PDHA1: variants seen among roughly 807,000 people sequenced by gnomAD.
The protein encoded by PDHA1 is pyruvate dehydrogenase E1 component subunit alpha, somatic form, mitochondrial.
PDHA1 carries 1 observed loss-of-function variant against 33.0 expected under a neutral mutation model. The ratio of observed to expected loss-of-function variants is 0.03; its 90% confidence interval spans 0.01 to 0.14. The LOEUF (loss-of-function observed/expected upper bound fraction) is 0.14. Ranked by LOEUF, PDHA1 falls within the 10% of genes least tolerant of loss-of-function variation. The pLI is 1.00. For missense variants in PDHA1, 168 were observed against 325.1 expected, an observed-to-expected ratio of 0.52 and a Z score of 3.72; for synonymous variants, 123 against 119.2, an observed-to-expected ratio of 1.03 and a Z score of -0.21.
Position 19,357,733 on chromosome X carries a change from C to T in PDHA1, c.899+14C>T, listed in dbSNP as rs768634139. On this transcript the variant is annotated intron_variant, in intron 9 of 10. Transcript: ENST00000422285. ...CCCTGGAGTCAGGTACGCTCATGGG[C>T]AGTGTGGTTTCCATAGGGGTGGGCT... is the stretch of plus-strand genomic sequence containing the variant. 5 of 1,177,433 alleles carry T rather than the reference C, an allele frequency of 4.2e-6. No homozygotes were observed. Among genetic ancestry groups the T allele is most frequent in the African/African-American group, 1.8e-5 (1 of 56,651 alleles).
At chrX:19,346,504 T>C in intron 1 of PDHA1, 1 of 471,407 alleles carries the variant, frequency 2.1e-6, no homozygotes, top group South Asian at 3.6e-5. Flanking sequence ...ATTTTTTTTT[T>C]ACTAGAGACA....
In PDHA1 at chrX:19,359,687, G is replaced by C. The variant is rs776552491; in HGVS notation, c.*34G>C. On this transcript the variant is annotated 3_prime_UTR_variant, in exon 11 of 11. Coordinates refer to ENST00000422285, the MANE Select transcript of PDHA1 (RefSeq NM_000284.4). Reference sequence around the variant, plus strand: ...GAAGGAGAGGTTATACCTTCAGGGGGCTACCAGACAGTGTTCTCAACTTGG... The same window carrying C: ...GAAGGAGAGGTTATACCTTCAGGGGCCTACCAGACAGTGTTCTCAACTTGG... 8.7e-7 allele frequency: 1 copy of C among 1,143,794 alleles called. No individual in the cohort carries two copies. The highest frequency in any genetic ancestry group is 2.2e-5 in the Admixed American group (1 of 45,864). 94.3% of individuals were successfully genotyped at this position (1,143,794 alleles called of 1,213,427 possible).
intron 8 of PDHA1, among the ~76,000 whole-genome samples, 188 bp downstream of exon 8, chrX:19,355,945 G>A (rs141926035): frequency 8.0e-5 from 9 of 112,027 alleles, no homozygotes; most frequent in East Asian, 2.8e-4. Context: ...GGAAGCCTAC[G>A]TTTCTCTCAT....
At chrX:19,345,568 A>AT (rs373287835) in intron 1 of PDHA1, among the ~76,000 whole-genome samples, 14 of 38,152 alleles carry the variant, frequency 3.7e-4, no homozygotes, top group African/African-American at 1.4e-3. Context: ...AAGACTCCGT[A>AT]TTTTAAAAAA....
Position 19,359,668 on chromosome X carries a change from G to C in PDHA1, c.*15G>C, listed in dbSNP as rs200547574. 47 of 1,191,668 alleles carry C rather than the reference G, an allele frequency of 3.9e-5. No homozygotes were observed. In the Middle Eastern group the frequency reaches 1.6e-3, roughly 41 times the overall value. On this transcript the variant is annotated 3_prime_UTR_variant, in exon 11 of 11. Transcript: ENST00000422285. ...CAGTCAGTTAAGGGGAGGAGAAGGA[G>C]AGGTTATACCTTCAGGGGGCTACCA... is the stretch of plus-strand genomic sequence containing the variant.
At chrX:19,344,224 C>T (rs2063115712) in intron 1 of PDHA1, 130 bp downstream of exon 1, 3 of 526,088 alleles carry the variant, frequency 5.7e-6, no homozygotes, top group African/African-American at 4.7e-5. Context: ...GCCTTTACTT[C>T]GCCTCCGCGC....
chrX:19,353,932 G>GT (rs904387817), intron 5 of PDHA1, among the ~76,000 whole-genome samples: 11 of 109,346 alleles, frequency 1.0e-4, no homozygotes, highest in East Asian at 8.5e-4. Flanking sequence ...ATTATGTGTT[G>GT]TTTTTTTTTA....
In PDHA1 at chrX:19,360,684, T is replaced by G; in HGVS notation, c.*1031T>G. ...AACACAGCGGAATTCGTGTATACAC[T>G]AACAGAAGCTTTAACAAAACATGTA... On this transcript the variant is annotated 3_prime_UTR_variant, in exon 11 of 11. Coordinates refer to ENST00000422285, the MANE Select transcript of PDHA1 (RefSeq NM_000284.4). The G allele has an allele frequency of 2.3e-6, 2 of 873,532 alleles. No homozygotes were observed. Among genetic ancestry groups the G allele is most frequent in the Non-Finnish European group, 3.4e-6 (2 of 595,972 alleles). 72.0% of individuals were successfully genotyped at this position (873,532 alleles called of 1,213,427 possible).
rs781550393 is a variant in PDHA1 at position 19,361,445 on chromosome X, G to C, written c.*1792G>C. The C allele has an allele frequency of 1.4e-5, 17 of 1,187,425 alleles. No homozygotes were observed. Among genetic ancestry groups the C allele is most frequent in the Non-Finnish European group, 1.9e-5 (17 of 874,131 alleles). On this transcript the variant is annotated 3_prime_UTR_variant, in exon 11 of 11. Coordinates refer to ENST00000422285, the MANE Select transcript of PDHA1 (RefSeq NM_000284.4). The stretch of plus-strand genomic sequence containing the variant: ...AACAAAGATCAGATCCTTAAGAGCT[G>C]AGCAGCTGTGTAACAACAGCATAAG...
At chrX:19,357,983 G>A (rs1371035552) in intron 9 of PDHA1, among the ~76,000 whole-genome samples, 3 of 111,864 alleles carry the variant, frequency 2.7e-5, no homozygotes, top group Non-Finnish European at 5.6e-5. Flanking sequence ...GAGGGAAATT[G>A]TTACATAAAA....
At chrX:19,345,755 C>A (rs755870048) in intron 1 of PDHA1, 9 of 275,514 alleles carry the variant, frequency 3.3e-5, no homozygotes, top group Middle Eastern at 5.0e-4. Context: ...TCCCCCCCCC[C>A]CCGCCACCTT....
chrX:19,358,894 T>TACTACTTTTCCCTCCCCATA (rs757656240), intron 9 of PDHA1, 22 bp from the exon 10 acceptor site: 4 of 928,124 alleles, frequency 4.3e-6, no homozygotes, highest in East Asian at 3.1e-5. Flanking sequence ...ACTGATCGAT[T>TACTACTTTTCCCTCCCCATA]ACTACTTTTC....
At chrX:19,345,484 A>G (rs1471580542) in intron 1 of PDHA1, among the ~76,000 whole-genome samples, 1 of 103,192 alleles carries the variant, frequency 9.7e-6, no homozygotes, top group Non-Finnish European at 2.0e-5. Context: ...GCGGGAGAAT[A>G]GCCTGAACCC....
chrX:19,350,122 G>A lies in PDHA1; in HGVS notation c.291+12G>A, dbSNP rs755244308. On this transcript the variant is annotated intron_variant, in intron 3 of 10. Coordinates refer to ENST00000422285, the MANE Select transcript of PDHA1 (RefSeq NM_000284.4). The stretch of plus-strand genomic sequence containing the variant: ...TGTGTGATGGTCAGGTGAGTGGTAG[G>A]TTTGTGGTGGAACTGTGTTATTTAG... The A allele has an allele frequency of 2.6e-5, 30 of 1,167,209 alleles. No homozygotes were observed. The Admixed American group carries it at 5.9e-4, about 23-fold the overall frequency.
chrX:19,355,008 T>C (rs1307824038), intron 6 of PDHA1, among the ~76,000 whole-genome samples: 3 of 112,862 alleles, frequency 2.7e-5, no homozygotes, highest in African/African-American at 9.6e-5. Context: ...GAAGCCCTGT[T>C]CTAGAGGCTG....
In PDHA1 at chrX:19,359,546, G is replaced by A. The variant is rs770669838; in HGVS notation, c.1066G>A (p.Asp356Asn). The change falls in exon 11 of 11, where the codon GAT (aspartate) becomes AAT (asparagine). Residue 356 changes from aspartate to asparagine, a missense_variant. Transcript: ENST00000422285. ...GGATGCTGCCCAGTTTGCCACGGCC[G>A]ATCCTGAGCCACCTTTGGAAGAGCT... Reference protein sequence around the residue: ...IEDAAQFATADPEPPLEELGY... With the variant: ...IEDAAQFATANPEPPLEELGY... The A allele has an allele frequency of 6.6e-6, 8 of 1,208,042 alleles. No homozygotes were observed. Among genetic ancestry groups the A allele is most frequent in the South Asian group, 1.8e-5 (1 of 56,768 alleles).
At chrX:19,352,890 A>C (rs2063172603) in intron 4 of PDHA1, 192 bp from the exon 5 acceptor site, 1 of 479,092 alleles carries the variant, frequency 2.1e-6, no homozygotes, top group African/African-American at 2.4e-5. Flanking sequence ...AAAAGCTGGA[A>C]AGGTTGAAGC....
rs369332453 is a variant in PDHA1 at position 19,360,079 on chromosome X, A to G, written c.*426A>G. The G allele has an allele frequency of 5.4e-6, 1 of 183,751 alleles. No individual in the cohort carries two copies. The highest frequency in any genetic ancestry group is 1.0e-5 in the Non-Finnish European group (1 of 99,668). 15.1% of individuals were successfully genotyped at this position (183,751 alleles called of 1,213,427 possible). On this transcript the variant is annotated 3_prime_UTR_variant, in exon 11 of 11. Transcript: ENST00000422285. ...TTCTCTACAAGATACAATATTTATT[A>G]TCAGGCAAGAGGACAGTTCCATTTT...
At position 19,361,396 on chromosome X, in the gene PDHA1, G is replaced by GTA; in HGVS notation, c.*1746_*1747dup. 1 of 1,208,314 alleles carries GTA rather than the reference G, an allele frequency of 8.3e-7. No homozygotes were observed. The highest frequency in any genetic ancestry group is 1.1e-6 in the Non-Finnish European group (1 of 892,244). On this transcript the variant is annotated 3_prime_UTR_variant, in exon 11 of 11. Transcript: ENST00000422285. ...GATCTCATTAAGAATATCCGAAAGT[G>GTA]TATAACCCTCTTCAACAATCTGAAA...
Sources: allele counts gnomAD v4.1 joint callset (sites outside exome capture counted in the v4.1 genomes callset), GRCh38; gene constraint gnomAD v4.1.1; transcripts MANE v1.5; gene names NCBI Gene and HGNC (gene_info 2026-07-23, HGNC 2026-07-21).